The following PDE1C variants were observed in gnomAD, a reference collection of about 807,000 sequenced individuals.
PDE1C encodes the protein dual specificity calcium/calmodulin-dependent 3',5'-cyclic nucleotide phosphodiesterase 1C.
In PDE1C, 62 loss-of-function variants were observed where a neutral mutation model predicts 93.1. The observed-to-expected ratio is 0.67, with a 90% CI of 0.54 to 0.82. The LOEUF is 0.82. Among genes scored for constraint, PDE1C ranks in the 40% least tolerant of loss-of-function variants. PDE1C has a pLI of 0.00. For synonymous variants in PDE1C, 325 were observed against 310.1 expected, an observed-to-expected ratio of 1.05 and a Z score of -0.50; for missense variants, 742 against 884.6, an observed-to-expected ratio of 0.84 and a Z score of 2.04.
chr7:32,074,118 A>T (rs998668166), upstream of PDE1C, among the ~76,000 whole-genome samples: 3 of 152,226 alleles, frequency 2.0e-5, no homozygotes, highest in East Asian at 5.8e-4. Context: ...AAGTCTATGG[A>T]CTAGCCAACC....
At chr7:31,763,040 G>C (rs1258448280) in intron 17 of PDE1C, among the ~76,000 whole-genome samples, 3 of 152,128 alleles carry the variant, frequency 2.0e-5, no homozygotes, top group Non-Finnish European at 2.9e-5. Flanking sequence ...AGGAGTCTCT[G>C]AAGTAATTGA....
intron 1 of PDE1C, among the ~76,000 whole-genome samples, chr7:32,259,850 T>C (rs1470267727): frequency 6.6e-6 from 1 of 151,800 alleles, no homozygotes. Context: ...GATGAATGGG[T>C]TTACTTTGCA....
chr7:32,068,776 G>A (rs930338460), intron 1 of PDE1C, among the ~76,000 whole-genome samples: 1 of 152,222 alleles, frequency 6.6e-6, no homozygotes, highest in Non-Finnish European at 1.5e-5. Flanking sequence ...AAGAGAAGAA[G>A]TTCCTGGGTG....
intron 3 of PDE1C, among the ~76,000 whole-genome samples, chr7:32,079,735 C>G (rs1209848869): frequency 6.6e-6 from 1 of 152,228 alleles, no homozygotes; most frequent in African/African-American, 2.4e-5. Flanking sequence ...ATTGCAAGTG[C>G]AAGTGTGCCA....
chr7:32,185,135 AAC>A (rs1803757059), intron 2 of PDE1C, among the ~76,000 whole-genome samples: 2 of 151,122 alleles, frequency 1.3e-5, no homozygotes, highest in Non-Finnish European at 3.0e-5. Context: ...GAAAAAAAAA[AAC>A]AACTTCTTAA....
Position 31,753,310 on chromosome 7 carries a change from T to C in PDE1C, c.*74A>G. 1.3e-6 allele frequency: 2 copies of C among 1,551,160 alleles called. No individual in the cohort carries two copies. The highest frequency in any genetic ancestry group is 1.7e-6 in the Non-Finnish European group (2 of 1,147,862). On this transcript the variant is annotated 3_prime_UTR_variant, in exon 18 of 18. Transcript: ENST00000396191. ...AGCCTCCAAGGGTCTTGGAGGTGTGTCCTGCTGTGGCCAGTGGGTGCTGAG... is the reference window on the plus strand; with the variant it reads ...AGCCTCCAAGGGTCTTGGAGGTGTGCCCTGCTGTGGCCAGTGGGTGCTGAG...
chr7:32,407,872 C>G (rs566900080), intron 1 of PDE1C, among the ~76,000 whole-genome samples: 2 of 152,110 alleles, frequency 1.3e-5, no homozygotes, highest in South Asian at 4.1e-4. Flanking sequence ...TGTACAGTAT[C>G]CCAGATTGCA....
the PDE1C span, among the ~76,000 whole-genome samples, chr7:31,618,890 G>A: frequency 2.0e-5 from 3 of 152,114 alleles, no homozygotes; most frequent in Non-Finnish European, 4.4e-5. Context: ...TGTGCACATT[G>A]CATGTTATAA....
chr7:31,928,133 T>C (rs1803643980), intron 2 of PDE1C, among the ~76,000 whole-genome samples: 1 of 151,724 alleles, frequency 6.6e-6, no homozygotes, highest in African/African-American at 2.4e-5. Flanking sequence ...CACGAGAACT[T>C]CATGAAGCAT....
intron 3 of PDE1C, among the ~76,000 whole-genome samples, chr7:32,103,612 A>G (rs778233031): frequency 5.9e-5 from 9 of 152,344 alleles, no homozygotes; most frequent in Non-Finnish European, 1.3e-4. Context: ...GGAAAGCCCA[A>G]CAATCGACAA....
rs531691550 is a variant in PDE1C at position 32,205,744 on chromosome 7, C to T, written c.136+3745G>A. On this transcript the variant is annotated intron_variant, in intron 2 of 18. Transcript: ENST00000396193. ...TAACACTCATTCTGCAGTTTCACTC[C>T]TGAAGCCAGCGAGACCATGAAGCAA... 1.1e-4 allele frequency among the ~76,000 whole-genome samples: 16 copies of T among 152,300 alleles called. No individual in the cohort carries two copies. The East Asian group carries it at 2.5e-3, about 24-fold the overall frequency.
At chr7:31,979,060 T>G (rs750718326) in intron 2 of PDE1C, among the ~76,000 whole-genome samples, 12 of 152,154 alleles carry the variant, frequency 7.9e-5, no homozygotes, top group Non-Finnish European at 1.6e-4. Context: ...TACAGAACAT[T>G]CACTTTCACA....
At chr7:31,975,821 T>C (rs1811592233) in intron 2 of PDE1C, among the ~76,000 whole-genome samples, 2 of 152,294 alleles carry the variant, frequency 1.3e-5, no homozygotes, top group South Asian at 2.1e-4. Context: ...CTTACTTAGG[T>C]TGTTGGTTCG....
chr7:31,991,748 T>C (rs1350753434), intron 2 of PDE1C, among the ~76,000 whole-genome samples: 1 of 152,154 alleles, frequency 6.6e-6, no homozygotes, highest in East Asian at 1.9e-4. Context: ...ATGTGTGTGG[T>C]ATGTATAAAG....
At chr7:32,235,768 T>C (rs1808032627) in intron 1 of PDE1C, among the ~76,000 whole-genome samples, 1 of 152,134 alleles carries the variant, frequency 6.6e-6, no homozygotes, top group Admixed American at 6.5e-5. Context: ...GATCAACTTC[T>C]AACATAAATC....
intron 2 of PDE1C, among the ~76,000 whole-genome samples, chr7:31,931,687 C>T (rs187145507): frequency 8.4e-4 from 128 of 152,240 alleles, no homozygotes; most frequent in Middle Eastern, 3.4e-3. Context: ...AGATTCAATG[C>T]TATTCCCATT....
chr7:32,171,305 T>C (rs1217322967), intron 2 of PDE1C, among the ~76,000 whole-genome samples: 1 of 151,978 alleles, frequency 6.6e-6, no homozygotes, highest in Non-Finnish European at 1.5e-5. Context: ...ACAGAACACC[T>C]GACCCGTGCT....
At chr7:31,884,903 C>A (rs138305582) in intron 2 of PDE1C, among the ~76,000 whole-genome samples, 2 of 152,240 alleles carry the variant, frequency 1.3e-5, no homozygotes, top group African/African-American at 4.8e-5. Context: ...GAAAATTAGC[C>A]AGGATCTTTC....
chr7:32,361,995 TC>T (rs1287931692), intron 1 of PDE1C, among the ~76,000 whole-genome samples: 1 of 152,206 alleles, frequency 6.6e-6, no homozygotes, highest in Non-Finnish European at 1.5e-5. Context: ...ATGGCTCTGC[TC>T]TGTGGAGACT....
Sources: allele counts gnomAD v4.1 joint callset (sites outside exome capture counted in the v4.1 genomes callset), GRCh38; gene constraint gnomAD v4.1.1; transcripts MANE v1.5; gene names NCBI Gene and HGNC (gene_info 2026-07-23, HGNC 2026-07-21).